The following NXPE2 variants were observed in gnomAD, a reference collection of about 807,000 sequenced individuals.
The protein encoded by NXPE2 is NXPE family member 2.
In NXPE2, 34 loss-of-function variants were observed where a neutral mutation model predicts 34.4. The ratio of observed to expected loss-of-function variants is 0.99; its 90% CI spans 0.75 to 1.31. The LOEUF (loss-of-function observed/expected upper bound fraction) is 1.31, where lower values mean the gene tolerates loss of function less well. Ranked by LOEUF, NXPE2 falls within the 40% of genes most tolerant of loss-of-function variation. NXPE2 has a pLI of 0.00. For missense variants in NXPE2, 649 were observed against 672.5 expected (o/e 0.97, Z 0.39); for synonymous variants, 235 against 231.3 (o/e 1.02, Z -0.15).
the NXPE2 span, among the ~76,000 whole-genome samples, chr11:114,620,533 T>G: frequency 2.6e-5 from 4 of 151,776 alleles, no homozygotes; most frequent in African/African-American, 9.7e-5. Flanking sequence ...AGGCGGTAGA[T>G]AATAAGTGTT....
the NXPE2 span, among the ~76,000 whole-genome samples, chr11:114,524,182 T>G: frequency 2.0e-5 from 3 of 152,220 alleles, no homozygotes; most frequent in African/African-American, 7.2e-5. Flanking sequence ...TTTTAAAGCA[T>G]GACCTAGAAG....
At chr11:114,581,322 C>T in the NXPE2 span, among the ~76,000 whole-genome samples, 1 of 152,238 alleles carries the variant, frequency 6.6e-6, no homozygotes, top group African/African-American at 2.4e-5. Flanking sequence ...AATAAACTGA[C>T]ACTCAGATGG....
chr11:114,696,181 A>G (rs1417668183), intron 2 of NXPE2, among the ~76,000 whole-genome samples: 1 of 151,858 alleles, frequency 6.6e-6, no homozygotes, highest in African/African-American at 2.4e-5. Context: ...TATGAAAAAT[A>G]CAAAAATTAG....
At chr11:114,540,787 G>T in the NXPE2 span, among the ~76,000 whole-genome samples, 2 of 138,666 alleles carry the variant, frequency 1.4e-5, no homozygotes, top group Non-Finnish European at 3.1e-5. Flanking sequence ...TGATGTGTTA[G>T]CCTGAGGGCA....
the NXPE2 span, among the ~76,000 whole-genome samples, chr11:114,492,949 C>A: frequency 6.6e-6 from 1 of 152,144 alleles, no homozygotes; most frequent in East Asian, 1.9e-4. Context: ...TTCTCTTTAG[C>A]TCTAATAATA....
chr11:114,778,853 A>G, the NXPE2 span, among the ~76,000 whole-genome samples: 242 of 152,306 alleles, frequency 1.6e-3, no homozygotes, highest in Middle Eastern at 3.4e-3. Flanking sequence ...CCTTCACTTT[A>G]TTGTGTATAA....
chr11:114,610,576 G>T, the NXPE2 span, among the ~76,000 whole-genome samples: 1 of 106,528 alleles, frequency 9.4e-6, no homozygotes, highest in East Asian at 2.0e-4. Context: ...GTTACCCGGT[G>T]GATAATAGGT....
chr11:114,541,984 T>C, the NXPE2 span, among the ~76,000 whole-genome samples: 3 of 152,218 alleles, frequency 2.0e-5, no homozygotes, highest in Non-Finnish European at 2.9e-5. Context: ...TTTATAAGTT[T>C]CTGAAAGAGG....
the NXPE2 span, among the ~76,000 whole-genome samples, chr11:114,564,304 TG>T: frequency 6.6e-6 from 1 of 151,910 alleles, no homozygotes; most frequent in African/African-American, 2.4e-5. Flanking sequence ...TTTGGGGACT[TG>T]GGGGAAAGGT....
At position 114,706,756 on chromosome 11, in the gene NXPE2, C is replaced by G; in HGVS notation, c.1506C>G (p.Phe502Leu). The G allele has an allele frequency of 6.4e-7, 1 of 1,552,358 alleles. No homozygotes were observed. Among genetic ancestry groups the G allele is most frequent in the Non-Finnish European group, 8.7e-7 (1 of 1,147,070 alleles). The stretch of plus-strand genomic sequence containing the variant: ...AGATAGAACAAAATGCAGAGATGTT[C>G]AGTGACTTTCATGGCTATATTCAGA... ...TREIEQNAEM[F>L]SDFHGYIQNL... The change falls in exon 6 of 6, where the codon TTC (phenylalanine) becomes TTG (leucine). Residue 502 changes from phenylalanine (F) to leucine (L), a missense_variant. Transcript: ENST00000389586.
At chr11:114,787,704 A>T in the NXPE2 span, among the ~76,000 whole-genome samples, 1 of 152,184 alleles carries the variant, frequency 6.6e-6, no homozygotes, top group Admixed American at 6.5e-5. Flanking sequence ...TACAGATGCT[A>T]CTATGTATGT....
the NXPE2 span, among the ~76,000 whole-genome samples, chr11:114,615,592 T>A: frequency 6.8e-6 from 1 of 146,508 alleles, no homozygotes; most frequent in Non-Finnish European, 1.5e-5. Flanking sequence ...GTGAATAATA[T>A]TTGCTGCCTC....
chr11:114,622,935 G>A, the NXPE2 span, among the ~76,000 whole-genome samples: 16 of 152,172 alleles, frequency 1.1e-4, no homozygotes, highest in South Asian at 2.1e-4. Context: ...GTATTGCCTC[G>A]TGGGTTACCA....
Position 114,698,516 on chromosome 11 carries a change from G to T in NXPE2, c.604G>T (p.Ala202Ser). ...CATCCACCCCAGTGAAGGGGTATCAGCTCTCTGGAGGGCAAGGAACCAAGG... is the reference window on the plus strand; with the variant it reads ...CATCCACCCCAGTGAAGGGGTATCATCTCTCTGGAGGGCAAGGAACCAAGG... The part of the protein sequence containing the change: ...LLIHPSEGVS[A>S]LWRARNQGCD... Residue 202 changes from alanine (A) to serine (S), a missense_variant, in exon 3 of 6, where the codon GCT becomes TCT. Transcript: ENST00000389586. 3 of 1,614,108 alleles carry T rather than the reference G, an allele frequency of 1.9e-6. No individual in the cohort carries two copies. Among genetic ancestry groups the T allele is most frequent in the Non-Finnish European group, 2.5e-6 (3 of 1,179,958 alleles).
the NXPE2 span, among the ~76,000 whole-genome samples, chr11:114,780,066 A>T: frequency 5.9e-5 from 9 of 152,186 alleles, 1 homozygote; most frequent in Non-Finnish European, 1.2e-4. Context: ...CCATGTGTCC[A>T]CTGCCTCCCC....
intron 2 of NXPE2, among the ~76,000 whole-genome samples, chr11:114,684,288 G>A (rs34805556): frequency 3.4e-3 from 513 of 152,046 alleles, no homozygotes; most frequent in Non-Finnish European, 4.7e-3. Flanking sequence ...TTAGCTGGGC[G>A]TGGTGGTGGG....
Position 114,698,706 on chromosome 11 carries a change from C to A in NXPE2, c.794C>A (p.Ala265Asp), listed in dbSNP as rs981634171. The change falls in exon 3 of 6, where the codon GCC (alanine) becomes GAC (aspartate). Residue 265 changes from alanine (A) to aspartate (D), a missense_variant. Transcript: ENST00000389586. Reference protein sequence around the residue: ...CVRPQHMPCEALTHMTTRTRN... With the variant: ...CVRPQHMPCEDLTHMTTRTRN... ...AGGCCTCAACATATGCCCTGTGAGG[C>A]CTTGACCCACATGACCACTAGGACA... 6.2e-7 allele frequency: 1 copy of A among 1,613,520 alleles called. No homozygotes were observed. Among genetic ancestry groups the A allele is most frequent in the Non-Finnish European group, 8.5e-7 (1 of 1,179,698 alleles).
the NXPE2 span, among the ~76,000 whole-genome samples, chr11:114,640,097 TATG>T: frequency 1.5e-4 from 19 of 123,792 alleles, no homozygotes; most frequent in African/African-American, 4.4e-4. Flanking sequence ...TAATATAATA[TATG>T]ATTATATATT....
the NXPE2 span, among the ~76,000 whole-genome samples, chr11:114,727,643 T>C: frequency 2.0e-5 from 3 of 152,040 alleles, no homozygotes; most frequent in African/African-American, 7.2e-5. Flanking sequence ...TTCCTCTCCT[T>C]ACTCAAGTTT....
Sources: gnomAD v4.1 joint callset for allele counts (sites outside exome capture counted in the v4.1 genomes callset) on GRCh38, gnomAD v4.1.1 for gene constraint, MANE v1.5 for transcripts, NCBI Gene and HGNC (gene_info 2026-07-23, HGNC 2026-07-21) for gene names.